Variants in TCP11L2 observed in about 807,000 individuals in gnomAD.
TCP11L2 encodes t-complex 11 like 2, also known as T-complex protein 11-like protein 2.
Under a neutral mutation model 50.7 loss-of-function variants are expected in TCP11L2, and 39 were observed. The observed-to-expected ratio is 0.77, with a 90% CI of 0.60 to 1.01. The LOEUF is 1.01. Ranked by LOEUF, TCP11L2 falls within the 50% of genes least tolerant of loss-of-function variation. The pLI, the probability that TCP11L2 is intolerant of heterozygous loss-of-function variation, is 0.00. For synonymous variants in TCP11L2, 192 were observed against 219.3 expected, an observed-to-expected ratio of 0.88 and a Z score of 1.10; for missense variants, 612 against 614.7, an observed-to-expected ratio of 1.00 and a Z score of 0.05.
chr12:106,331,108 C>T (rs2035732831), intron 6 of TCP11L2, among the ~76,000 whole-genome samples: 1 of 152,158 alleles, frequency 6.6e-6, no homozygotes, highest in African/African-American at 2.4e-5. Context: ...GACTCAAGTT[C>T]AGTGATTTCT....
intron 9 of TCP11L2, among the ~76,000 whole-genome samples, chr12:106,345,367 T>C (rs1222597719): frequency 1.3e-5 from 2 of 152,196 alleles, no homozygotes; most frequent in Admixed American, 6.5e-5. Flanking sequence ...ACAACAGGTG[T>C]AAATTTTGAC....
intron 6 of TCP11L2, among the ~76,000 whole-genome samples, chr12:106,328,711 T>G (rs1206932022): frequency 6.6e-6 from 1 of 152,248 alleles, no homozygotes; most frequent in Non-Finnish European, 1.5e-5. Flanking sequence ...AAACCAACTC[T>G]AGCTGACTTA....
At chr12:106,336,910 G>A (rs954840866) in intron 8 of TCP11L2, among the ~76,000 whole-genome samples, 1 of 152,160 alleles carries the variant, frequency 6.6e-6, no homozygotes, top group Non-Finnish European at 1.5e-5. Flanking sequence ...ACCTTGCTAC[G>A]AAGTCTTCAG....
chr12:106,305,433 G>A (rs2034589471), intron 1 of TCP11L2, among the ~76,000 whole-genome samples: 1 of 152,230 alleles, frequency 6.6e-6, no homozygotes, highest in South Asian at 2.1e-4. Flanking sequence ...ATGCACTGAA[G>A]TAGGCACTGG....
chr12:106,305,193 A>G (rs1204540416), intron 1 of TCP11L2, among the ~76,000 whole-genome samples: 2 of 152,150 alleles, frequency 1.3e-5, no homozygotes, highest in Non-Finnish European at 2.9e-5. Context: ...GGATCTTATT[A>G]TAAAATGGGG....
intron 6 of TCP11L2, among the ~76,000 whole-genome samples, chr12:106,331,230 C>T (rs61940334): frequency 0.36 from 54,387 of 152,014 alleles, 10,239 homozygotes; most frequent in African/African-American, 0.45. Flanking sequence ...GCATGTTTTC[C>T]AGATAACATC....
At chr12:106,332,307 A>AT (rs1296847516) in intron 6 of TCP11L2, among the ~76,000 whole-genome samples, 1 of 152,252 alleles carries the variant, frequency 6.6e-6, no homozygotes, top group Non-Finnish European at 1.5e-5. Flanking sequence ...CTGAGTCTTT[A>AT]TCCCCAAGAA....
At chr12:106,311,337 T>C in intron 2 of TCP11L2, 105 bp downstream of exon 2, 1 of 1,307,522 alleles carries the variant, frequency 7.6e-7, no homozygotes, top group East Asian at 2.4e-5. Context: ...TTCCCCTCCT[T>C]TCTAGATGCA....
In TCP11L2 at chr12:106,318,256, T is replaced by C; in HGVS notation, c.294-88T>C. 2.1e-6 allele frequency: 3 copies of C among 1,454,978 alleles called. No individual in the cohort carries two copies. The South Asian group carries it at 3.9e-5, about 19-fold the overall frequency. 90.1% of individuals were successfully genotyped at this position (1,454,978 alleles called of 1,614,324 possible). On this transcript the variant is annotated intron_variant, in intron 3 of 9. Transcript: ENST00000299045. The stretch of plus-strand genomic sequence containing the variant: ...AATTATTCTGTGTTTTTTTTACATT[T>C]TATAAGATTTCTACAATGAGGATGT...
At chr12:106,344,157 T>TA (rs954887415) in intron 9 of TCP11L2, among the ~76,000 whole-genome samples, 3 of 151,334 alleles carry the variant, frequency 2.0e-5, no homozygotes, top group Non-Finnish European at 4.4e-5. Context: ...TGTCTATATA[T>TA]AAAAAAAGAA....
intron 4 of TCP11L2, among the ~76,000 whole-genome samples, chr12:106,320,373 G>C (rs2035293592): frequency 6.6e-6 from 1 of 151,918 alleles, no homozygotes; most frequent in Non-Finnish European, 1.5e-5. Flanking sequence ...ACTCCGGCCT[G>C]GTGACAGAGC....
chr12:106,346,186 A>G, intron 9 of TCP11L2, 100 bp from the exon 10 acceptor site: 1 of 1,258,228 alleles, frequency 7.9e-7, no homozygotes, highest in Non-Finnish European at 1.1e-6. Flanking sequence ...AAGAATTGGG[A>G]ACATTATTGC....
chr12:106,305,584 A>T (rs1172443723), intron 1 of TCP11L2, among the ~76,000 whole-genome samples: 1 of 152,210 alleles, frequency 6.6e-6, no homozygotes, highest in East Asian at 1.9e-4. Context: ...AGGAAAACTC[A>T]AGGTGTCTTA....
chr12:106,326,581 G>A (rs560382815), intron 6 of TCP11L2, among the ~76,000 whole-genome samples: 3 of 152,240 alleles, frequency 2.0e-5, no homozygotes, highest in Middle Eastern at 6.8e-3. Flanking sequence ...GTCTATGCAA[G>A]CATCACACTA....
intron 9 of TCP11L2, among the ~76,000 whole-genome samples, chr12:106,342,163 CA>C (rs1463829671): frequency 6.6e-6 from 1 of 152,196 alleles, no homozygotes; most frequent in East Asian, 1.9e-4. Context: ...TGCAAATTTT[CA>C]AAGTACAACA....
At chr12:106,329,564 T>G (rs2035675223) in intron 6 of TCP11L2, 8 of 1,411,368 alleles carry the variant, frequency 5.7e-6, no homozygotes, top group Non-Finnish European at 6.5e-6. Flanking sequence ...TCAGACAGAA[T>G]AAATCAAAGT....
rs2034992426 is a variant in TCP11L2 at position 106,314,506 on chromosome 12, C to T, written c.293+13C>T. On this transcript the variant is annotated intron_variant, in intron 3 of 9. Transcript: ENST00000299045. The stretch of plus-strand genomic sequence containing the variant: ...TCCCAGAAAAGAGGTAACCTGGGGG[C>T]ATTTGTTGTATATAAACTGCTGAAG... The T allele has an allele frequency of 6.3e-7, 1 of 1,592,328 alleles. No homozygotes were observed. Among genetic ancestry groups the T allele is most frequent in the Non-Finnish European group, 8.5e-7 (1 of 1,171,598 alleles).
rs555109904 is a variant in TCP11L2, at chr12:106,338,104, G to A, written c.1142+1891G>A. Among the ~76,000 whole-genome samples, 201 of 152,322 alleles carry A rather than the reference G, an allele frequency of 1.3e-3. 1 individual carries two copies. Among genetic ancestry groups the A allele is most frequent in the African/African-American group, 4.5e-3 (189 of 41,584 alleles). Reference sequence around the variant, plus strand: ...ATTGTGAGTAGAAGGCATGGCTTATGCTAAGACAACTTTTTTTGAAGAGCT... The same window carrying A: ...ATTGTGAGTAGAAGGCATGGCTTATACTAAGACAACTTTTTTTGAAGAGCT... On this transcript the variant is annotated intron_variant, in intron 8 of 9. Transcript: ENST00000299045.
At chr12:106,328,409 T>C (rs2035630889) in intron 6 of TCP11L2, among the ~76,000 whole-genome samples, 1 of 152,200 alleles carries the variant, frequency 6.6e-6, no homozygotes, top group African/African-American at 2.4e-5. Context: ...CCGGGTGTGG[T>C]GGCGCGTGCC....
Sources: gnomAD v4.1 joint callset for allele counts (sites outside exome capture counted in the v4.1 genomes callset) on GRCh38, gnomAD v4.1.1 for gene constraint, MANE v1.5 for transcripts, NCBI Gene and HGNC (gene_info 2026-07-23, HGNC 2026-07-21) for gene names.